The following PIEZO2 variants were observed in gnomAD, a reference collection of about 807,000 sequenced individuals.
The protein encoded by PIEZO2 is piezo type mechanosensitive ion channel component 2, also known as piezo-type mechanosensitive ion channel component 2.
PIEZO2 carries 172 observed loss-of-function variants against 337.3 expected under a neutral mutation model. That is an observed-to-expected ratio of 0.51 (90% CI 0.45 to 0.58). The LOEUF (loss-of-function observed/expected upper bound fraction) is 0.58, where lower values mean the gene tolerates loss of function less well. PIEZO2 is among the 20% of genes least tolerant of loss of function. The probability of loss-of-function intolerance (pLI) is 0.00; values close to 1 mark genes in which losing one functional copy is unlikely to be tolerated. For synonymous variants in PIEZO2, 1,251 were observed against 1,228.5 expected (o/e 1.02, Z -0.38); for missense variants, 3,028 against 3,391.3 (o/e 0.89, Z 2.66).
Position 10,682,055 on chromosome 18 carries a change from A to T in PIEZO2, c.7686+49T>A. ...CCCTACAGACAGCTATCATAAAGGA[A>T]TGTGGCGTGGGGCAAGGCTCTGGTA... On this transcript the variant is annotated intron_variant, in intron 50 of 55. Coordinates refer to ENST00000674853, the MANE Select transcript of PIEZO2 (RefSeq NM_001378183.1). The surrounding 1 kb of genome is among the most constrained non-coding windows in gnomAD (Gnocchi z 5.6). The T allele has an allele frequency of 1.4e-6, 2 of 1,472,780 alleles. No individual in the cohort carries two copies. The highest frequency in any genetic ancestry group is 2.8e-5 in the African/African-American group (2 of 71,458). The allele number at this position is 1,472,780 out of a possible 1,614,324, so 91.2% of individuals were successfully genotyped here. A position where few individuals can be genotyped will look rare whatever the true frequency, so the allele number is the denominator to read the frequency against.
intron 5 of PIEZO2, among the ~76,000 whole-genome samples, chr18:10,858,013 T>C (rs202003870): frequency 1.5e-5 from 2 of 130,956 alleles, no homozygotes; most frequent in Non-Finnish European, 1.6e-5. Flanking sequence ...TTCTTTTTTT[T>C]TTTTTTTAAA....
chr18:10,723,246 C>T (rs963827756), intron 36 of PIEZO2, among the ~76,000 whole-genome samples: 1 of 151,996 alleles, frequency 6.6e-6, no homozygotes, highest in Admixed American at 6.6e-5. Context: ...GGATTACAGG[C>T]GTGAGCCACC....
At chr18:10,733,345 G>C (rs2036860908) in intron 35 of PIEZO2, among the ~76,000 whole-genome samples, 1 of 151,924 alleles carries the variant, frequency 6.6e-6, no homozygotes, top group African/African-American at 2.4e-5. Flanking sequence ...TACAGTTCCA[G>C]GAATTATTAA....
rs1179170841 is a variant in PIEZO2, at chr18:10,823,726, C to T, written c.918-16452G>A. On this transcript the variant is annotated intron_variant, in intron 7 of 55. Transcript: ENST00000674853. ...CAGATACAAGCAATACAAAGCTAGTCTTTGAAGAATCAGAGGGAAAAAGAA... is the reference window on the plus strand; with the variant it reads ...CAGATACAAGCAATACAAAGCTAGTTTTTGAAGAATCAGAGGGAAAAAGAA... 1.4e-4 allele frequency among the ~76,000 whole-genome samples: 22 copies of T among 151,972 alleles called. 1 individual carries two copies. Among genetic ancestry groups the T allele is most frequent in the Admixed American group, 1.4e-3 (21 of 15,264 alleles).
At chr18:10,999,309 T>C (rs1598806230) in intron 2 of PIEZO2, among the ~76,000 whole-genome samples, 2 of 152,180 alleles carry the variant, frequency 1.3e-5, no homozygotes, top group Admixed American at 1.3e-4. Context: ...TATTTTGATC[T>C]TTTATTTACA....
intron 4 of PIEZO2, among the ~76,000 whole-genome samples, chr18:10,900,207 ACAC>A (rs1237142820): frequency 2.0e-5 from 3 of 151,560 alleles, no homozygotes; most frequent in Non-Finnish European, 4.4e-5. Flanking sequence ...ACACACACAC[ACAC>A]AAACACCTAA....
At chr18:11,041,788 C>A (rs886629617) in intron 2 of PIEZO2, among the ~76,000 whole-genome samples, 3 of 152,154 alleles carry the variant, frequency 2.0e-5, no homozygotes, top group South Asian at 4.1e-4. Context: ...CAACAAGGAA[C>A]CTACTTACTA....
At chr18:10,791,566 T>A in intron 13 of PIEZO2, 1 of 287,418 alleles carries the variant, frequency 3.5e-6, no homozygotes, top group Non-Finnish European at 6.5e-6. Flanking sequence ...CTGAGGAAGA[T>A]GAACCCAACC....
chr18:11,085,568 C>T (rs1416902415), intron 1 of PIEZO2, among the ~76,000 whole-genome samples: 1 of 152,142 alleles, frequency 6.6e-6, no homozygotes, highest in East Asian at 1.9e-4. Context: ...TTAGTACACA[C>T]AGGTTTTAGT....
rs1222890354 is a variant in PIEZO2, at chr18:10,859,580, T to C, written c.493-2369A>G. ...CTTTCTTTCTGCTGGATCACCCCTGTTAACAGGCAAGGGCGCCTTGCTGTC... is the reference window on the plus strand; with the variant it reads ...CTTTCTTTCTGCTGGATCACCCCTGCTAACAGGCAAGGGCGCCTTGCTGTC... On this transcript the variant is annotated intron_variant, in intron 5 of 55. Coordinates refer to ENST00000674853, the MANE Select transcript of PIEZO2 (RefSeq NM_001378183.1). The surrounding 1 kb of genome is among the most constrained non-coding windows in gnomAD (Gnocchi z 4.9). 6.6e-6 allele frequency among the ~76,000 whole-genome samples: 1 copy of C among 152,240 alleles called. No individual in the cohort carries two copies. Among genetic ancestry groups the C allele is most frequent in the Admixed American group, 6.5e-5 (1 of 15,286 alleles).
chr18:10,744,719 T>C (rs2037355356), intron 30 of PIEZO2, among the ~76,000 whole-genome samples: 1 of 152,220 alleles, frequency 6.6e-6, no homozygotes, highest in Non-Finnish European at 1.5e-5. Context: ...ATCTAGTCTC[T>C]TGTCCCTGAT....
intron 1 of PIEZO2, among the ~76,000 whole-genome samples, chr18:11,081,570 G>C (rs561357611): frequency 4.6e-5 from 7 of 152,112 alleles, no homozygotes; most frequent in African/African-American, 1.7e-4. Flanking sequence ...CTGACCTCCT[G>C]AGCCATCCTG....
rs1476821596 is a variant in PIEZO2, at chr18:10,895,751, T to C, written c.329+15435A>G. Among the ~76,000 whole-genome samples the C allele has an allele frequency of 6.6e-6, 1 of 152,120 alleles. No individual in the cohort carries two copies. Among genetic ancestry groups the C allele is most frequent in the East Asian group, 1.9e-4 (1 of 5,184 alleles). ...GGTGTAATGGGTGCTGATGATGTTG[T>C]TTCTGTCTGTCTCTAAAACTCAGAG... On this transcript the variant is annotated intron_variant, in intron 4 of 55. Transcript: ENST00000674853. This position sits in a 1 kb window ranked among gnomAD's most constrained non-coding sequence, Gnocchi z 4.8.
At chr18:11,067,915 C>CTT (rs1568345641) in intron 1 of PIEZO2, among the ~76,000 whole-genome samples, 1 of 152,118 alleles carries the variant, frequency 6.6e-6, no homozygotes. Flanking sequence ...AATACACATT[C>CTT]TTTTTTTGTT....
At chr18:11,055,278 T>C (rs1464045882) in intron 2 of PIEZO2, among the ~76,000 whole-genome samples, 1 of 150,882 alleles carries the variant, frequency 6.6e-6, no homozygotes, top group Non-Finnish European at 1.5e-5. Flanking sequence ...CAGAGGAGGT[T>C]TGCAGGGAGA....
chr18:10,761,346 G>T (rs2038123647), intron 23 of PIEZO2, among the ~76,000 whole-genome samples: 1 of 152,184 alleles, frequency 6.6e-6, no homozygotes, highest in Non-Finnish European at 1.5e-5. Flanking sequence ...AACATAAGAT[G>T]CTGCTGCTCA....
chr18:10,684,801 T>C (rs953099601), intron 49 of PIEZO2, among the ~76,000 whole-genome samples: 2 of 152,234 alleles, frequency 1.3e-5, no homozygotes, highest in African/African-American at 4.8e-5. Context: ...CCCCTTCCTG[T>C]CCTGCGCTGC....
chr18:11,075,786 C>CTTTT (rs147029235), intron 1 of PIEZO2, among the ~76,000 whole-genome samples: 1 of 125,240 alleles, frequency 8.0e-6, no homozygotes, highest in Non-Finnish European at 1.7e-5. Flanking sequence ...AGATATATTT[C>CTTTT]TTTTTTTTTT....
chr18:11,044,762 G>C (rs2037243059), intron 2 of PIEZO2, among the ~76,000 whole-genome samples: 1 of 152,112 alleles, frequency 6.6e-6, no homozygotes, highest in Non-Finnish European at 1.5e-5. Context: ...TTGTTCTTAG[G>C]GGAAATACAA....
Sources: allele counts gnomAD v4.1 joint callset (sites outside exome capture counted in the v4.1 genomes callset), GRCh38; gene constraint gnomAD v4.1.1; non-coding constraint Gnocchi (gnomAD v3.1); transcripts MANE v1.5; gene names NCBI Gene and HGNC (gene_info 2026-07-23, HGNC 2026-07-21).